PCDH15: variants seen among roughly 807,000 people sequenced by gnomAD.
PCDH15 encodes protocadherin related 15, also known as protocadherin-15.
In PCDH15, 129 loss-of-function variants were observed where a neutral mutation model predicts 178.5. The observed-to-expected ratio is 0.72, with a 90% CI of 0.63 to 0.84. The LOEUF is 0.84. Ranked by LOEUF, PCDH15 falls within the 40% of genes least tolerant of loss-of-function variation. The probability of loss-of-function intolerance (pLI) is 0.00; values close to 1 mark genes in which losing one functional copy is unlikely to be tolerated. For missense variants in PCDH15, 2,230 were observed against 2,099.9 expected, an observed-to-expected ratio of 1.06 and a Z score of -1.21; for synonymous variants, 800 against 732.0, an observed-to-expected ratio of 1.09 and a Z score of -1.50.
intron 25 of PCDH15, among the ~76,000 whole-genome samples, chr10:53,934,863 T>C (rs565522499): frequency 3.9e-5 from 6 of 151,950 alleles, no homozygotes; most frequent in Non-Finnish European, 8.8e-5. Flanking sequence ...TTTCTTAGCC[T>C]TCTGTCAGTT....
intron 9 of PCDH15, among the ~76,000 whole-genome samples, chr10:54,219,842 AAT>A (rs1191601823): frequency 6.6e-6 from 1 of 152,018 alleles, no homozygotes; most frequent in East Asian, 1.9e-4. Flanking sequence ...ATGCTCTAAA[AAT>A]AGTTATTTTA....
At chr10:54,021,157 C>T (rs970393981) in intron 19 of PCDH15, among the ~76,000 whole-genome samples, 3 of 152,004 alleles carry the variant, frequency 2.0e-5, no homozygotes, top group Admixed American at 6.6e-5. Context: ...AAATTGGGAA[C>T]GATATCCTTT....
At chr10:53,943,677 A>T (rs1188478998) in intron 23 of PCDH15, among the ~76,000 whole-genome samples, 3 of 152,130 alleles carry the variant, frequency 2.0e-5, no homozygotes, top group Admixed American at 6.5e-5. Flanking sequence ...AAAGCATTTA[A>T]AATTCTATTT....
chr10:54,230,240 A>G (rs369283023), intron 9 of PCDH15, among the ~76,000 whole-genome samples: 2 of 152,298 alleles, frequency 1.3e-5, no homozygotes, highest in African/African-American at 4.8e-5. Flanking sequence ...CATGAGGAAA[A>G]ATACACCTTG....
intron 3 of PCDH15, among the ~76,000 whole-genome samples, chr10:54,515,872 T>C (rs1293506384): frequency 2.0e-5 from 3 of 152,198 alleles, no homozygotes; most frequent in African/African-American, 4.8e-5. Flanking sequence ...CTGCTGCTGA[T>C]ACCCAGGCAA....
chr10:54,541,554 G>T (rs1275109924), intron 2 of PCDH15, among the ~76,000 whole-genome samples: 2 of 152,020 alleles, frequency 1.3e-5, no homozygotes, highest in Non-Finnish European at 2.9e-5. Context: ...GGTGAAATAA[G>T]ATCTGTTATT....
chr10:55,191,644 C>G (rs190661788), intron 1 of PCDH15, among the ~76,000 whole-genome samples: 2 of 152,002 alleles, frequency 1.3e-5, no homozygotes, highest in Non-Finnish European at 2.9e-5. Context: ...GATGAAATCA[C>G]GTGACTAATT....
intron 18 of PCDH15, among the ~76,000 whole-genome samples, chr10:54,039,666 A>T (rs2093496628): frequency 6.6e-6 from 1 of 152,006 alleles, no homozygotes; most frequent in Admixed American, 6.6e-5. Context: ...TATTCATTTC[A>T]AAATAAATCT....
At chr10:54,510,829 A>C (rs1188622435) in intron 3 of PCDH15, among the ~76,000 whole-genome samples, 1 of 152,092 alleles carries the variant, frequency 6.6e-6, no homozygotes, top group Non-Finnish European at 1.5e-5. Context: ...CCTTTTTTCC[A>C]CGTCTCCTGC....
Position 55,077,408 on chromosome 10 carries a change from TTCCTTCC to T in PCDH15, c.-80+89161_-80+89167del, listed in dbSNP as rs1231543797. On this transcript the variant is annotated intron_variant, in intron 2 of 5. Transcript: ENST00000458638. ...TTTGGTGGTTTTCTCTCTTCCTTCC[TTCCTTCC>T]TTCCTTCCTTCCTTCCTTCCTTTCT... 1.3e-4 allele frequency among the ~76,000 whole-genome samples: 7 copies of T among 55,500 alleles called. No individual in the cohort carries two copies. In the South Asian group the frequency reaches 4.0e-3, roughly 31 times the overall value. The allele number at this position is 55,500 out of a possible 152,430, so 36.4% of individuals were successfully genotyped here.
chr10:55,115,063 A>C (rs997441007), intron 2 of PCDH15, among the ~76,000 whole-genome samples: 1 of 152,242 alleles, frequency 6.6e-6, no homozygotes, highest in Non-Finnish European at 1.5e-5. Flanking sequence ...GCTTTGAAAA[A>C]TAAATTAATT....
intron 2 of PCDH15, among the ~76,000 whole-genome samples, chr10:55,568,226 T>C (rs532966633): frequency 6.6e-6 from 1 of 152,080 alleles, no homozygotes; most frequent in Admixed American, 6.6e-5. Context: ...TTATTCAACC[T>C]TAAGAAGGGA....
chr10:54,171,982 C>T (rs2046960488), intron 13 of PCDH15, among the ~76,000 whole-genome samples: 1 of 151,286 alleles, frequency 6.6e-6, no homozygotes, highest in South Asian at 2.1e-4. Flanking sequence ...CATACCACCC[C>T]CCAAAAATTT....
intron 2 of PCDH15, among the ~76,000 whole-genome samples, chr10:55,053,934 C>T (rs555201311): frequency 1.3e-4 from 20 of 152,150 alleles, no homozygotes; most frequent in African/African-American, 4.3e-4. Flanking sequence ...TAGAGAAAAG[C>T]GAAGAAAACT....
intron 2 of PCDH15, among the ~76,000 whole-genome samples, chr10:55,382,656 C>T (rs1422539091): frequency 1.3e-5 from 2 of 152,170 alleles, no homozygotes; most frequent in Non-Finnish European, 2.9e-5. Flanking sequence ...GCTCTTCATT[C>T]AGGAAATTTG....
chr10:54,938,292 G>GCTTTCA (rs1443068482), intron 2 of PCDH15, among the ~76,000 whole-genome samples: 69 of 125,092 alleles, frequency 5.5e-4, no homozygotes, highest in East Asian at 1.0e-3. Flanking sequence ...TTTCGGTTTA[G>GCTTTCA]CATAGTGTAT....
At chr10:54,222,053 C>A (rs2052888215) in intron 9 of PCDH15, among the ~76,000 whole-genome samples, 1 of 152,166 alleles carries the variant, frequency 6.6e-6, no homozygotes, top group African/African-American at 2.4e-5. Context: ...ACTCATTTAT[C>A]TATTCATACA....
At chr10:54,774,794 A>G (rs1179813220) in intron 1 of PCDH15, among the ~76,000 whole-genome samples, 1 of 152,172 alleles carries the variant, frequency 6.6e-6, no homozygotes, top group Non-Finnish European at 1.5e-5. Flanking sequence ...ATCTTAGGTA[A>G]GTCATTATTA....
intron 1 of PCDH15, among the ~76,000 whole-genome samples, chr10:54,782,447 T>C (rs17593549): frequency 0.08 from 12,165 of 152,176 alleles, 667 homozygotes; most frequent in Non-Finnish European, 0.12. Flanking sequence ...GCAAAGAGTA[T>C]TGCTCCAATT....
Sources: allele counts gnomAD v4.1 joint callset (sites outside exome capture counted in the v4.1 genomes callset), GRCh38; gene constraint gnomAD v4.1.1; transcripts MANE v1.5; gene names NCBI Gene and HGNC (gene_info 2026-07-23, HGNC 2026-07-21).